Variants in KPNA3 observed in about 807,000 individuals in gnomAD.
KPNA3 encodes the protein importin subunit alpha-4.
Under a neutral mutation model 73.8 loss-of-function variants are expected in KPNA3, and 13 were observed. That is an observed-to-expected ratio of 0.18 (90% CI 0.11 to 0.28). KPNA3 has a LOEUF of 0.28. Among genes scored for constraint, KPNA3 ranks in the 10% least tolerant of loss-of-function variants. The probability of loss-of-function intolerance (pLI) is 1.00; values close to 1 mark genes in which losing one functional copy is unlikely to be tolerated. For synonymous variants in KPNA3, 186 were observed against 206.9 expected (o/e 0.90, Z 0.87); for missense variants, 360 against 618.1 (o/e 0.58, Z 4.43).
At chr13:49,781,807 T>C (rs765205494) in intron 1 of KPNA3, among the ~76,000 whole-genome samples, 1 of 152,212 alleles carries the variant, frequency 6.6e-6, no homozygotes, top group African/African-American at 2.4e-5. Flanking sequence ...ACCAAGACAG[T>C]TGATCACCTT....
chr13:49,733,297 T>TTTTG (rs1566343555), intron 2 of KPNA3, among the ~76,000 whole-genome samples: 10 of 144,392 alleles, frequency 6.9e-5, no homozygotes, highest in Admixed American at 6.2e-4. Context: ...TTTTTTTTTT[T>TTTTG]TTTTTTGGAG....
At chr13:49,730,445 G>C (rs534180652) in intron 6 of KPNA3, among the ~76,000 whole-genome samples, 1 of 135,400 alleles carries the variant, frequency 7.4e-6, no homozygotes, top group Non-Finnish European at 1.5e-5. Flanking sequence ...GCTTGAACCC[G>C]GGAGGCAGAC....
At chr13:49,781,324 C>T (rs779518446) in intron 1 of KPNA3, among the ~76,000 whole-genome samples, 1 of 152,174 alleles carries the variant, frequency 6.6e-6, no homozygotes, top group Non-Finnish European at 1.5e-5. Context: ...CTATTAAGGG[C>T]ATGGAGTTTT....
At chr13:49,749,211 A>G (rs545171579) in intron 1 of KPNA3, among the ~76,000 whole-genome samples, 64 of 152,212 alleles carry the variant, frequency 4.2e-4, no homozygotes, top group Admixed American at 1.3e-3. Context: ...CTGAAGAACC[A>G]CACTAAATTA....
intron 2 of KPNA3, among the ~76,000 whole-genome samples, chr13:49,738,747 T>C (rs1274984010): frequency 1.3e-5 from 2 of 152,230 alleles, no homozygotes; most frequent in African/African-American, 4.8e-5. Flanking sequence ...CCTTGGGATG[T>C]TCTACATAGA....
chr13:49,732,293 G>A (rs1954477284), intron 6 of KPNA3, 78 bp downstream of exon 6: 2 of 629,346 alleles, frequency 3.2e-6, no homozygotes, highest in African/African-American at 3.7e-5. Context: ...AAACCAAACT[G>A]AACTCACTGG....
chr13:49,766,992 T>C, intron 1 of KPNA3, among the ~76,000 whole-genome samples: 1 of 148,550 alleles, frequency 6.7e-6, no homozygotes, highest in Admixed American at 6.7e-5. Context: ...GGTAATCAAG[T>C]TAGGATTTTT....
In KPNA3 at chr13:49,719,899, G is replaced by A. The variant is rs548079785; in HGVS notation, c.727-80C>T. 1.6e-4 allele frequency: 143 copies of A among 900,180 alleles called. 1 individual carries two copies. In the African/African-American group the frequency reaches 1.9e-3, roughly 12 times the overall value. 55.8% of individuals were successfully genotyped at this position (900,180 alleles called of 1,614,324 possible). A position where few individuals can be genotyped will look rare whatever the true frequency, so the allele number is the denominator to read the frequency against. ...AATGAACAACTTTGACATAAAAAGCGGTAAATATGGTTTGTAGGGCGAGAA... is the reference window on the plus strand; with the variant it reads ...AATGAACAACTTTGACATAAAAAGCAGTAAATATGGTTTGTAGGGCGAGAA... On this transcript the variant is annotated intron_variant, in intron 9 of 16. Coordinates refer to ENST00000261667, the MANE Select transcript of KPNA3 (RefSeq NM_002267.4).
chr13:49,734,490 CAAAT>C (rs1277872825), intron 2 of KPNA3, among the ~76,000 whole-genome samples: 2 of 152,032 alleles, frequency 1.3e-5, no homozygotes, highest in East Asian at 3.8e-4. Context: ...AAAAGAAAAA[CAAAT>C]AAACTAAAAG....
At chr13:49,787,681 ATT>A (rs35108432) in intron 1 of KPNA3, among the ~76,000 whole-genome samples, 88 of 132,010 alleles carry the variant, frequency 6.7e-4, no homozygotes, top group East Asian at 4.2e-3. Context: ...TAATTTTTGT[ATT>A]TTTTTTTTTT....
intron 7 of KPNA3, among the ~76,000 whole-genome samples, chr13:49,725,018 G>A (rs1415561564): frequency 1.3e-5 from 2 of 152,130 alleles, no homozygotes; most frequent in Non-Finnish European, 2.9e-5. Context: ...AATAACGTAC[G>A]TGGTGATATC....
intron 1 of KPNA3, among the ~76,000 whole-genome samples, chr13:49,755,330 A>C (rs1954701328): frequency 6.6e-6 from 1 of 152,262 alleles, no homozygotes; most frequent in East Asian, 1.9e-4. Context: ...CAGAAAAATA[A>C]AAGCCTAGAG....
At chr13:49,753,535 A>G (rs1954684424) in intron 1 of KPNA3, among the ~76,000 whole-genome samples, 1 of 152,238 alleles carries the variant, frequency 6.6e-6, no homozygotes, top group East Asian at 1.9e-4. Flanking sequence ...GACCGTGAGC[A>G]ATGAATTTAT....
chr13:49,752,374 A>C (rs1954670206), intron 1 of KPNA3, among the ~76,000 whole-genome samples: 1 of 152,228 alleles, frequency 6.6e-6, no homozygotes, highest in African/African-American at 2.4e-5. Flanking sequence ...TGCTCTTAAA[A>C]GTTCAGGAAA....
rs1348929908 is a variant in KPNA3, at chr13:49,792,521, CCGGCGGCGGCTACTCCTGCGGCTG to C, written c.-39_-16del. ...TTCTCGGCCATGGCTGCGCGCGGCT[CCGGCGGCGGCTACTCCTGCGGCTG>C]CGGCGGCGGCGGCGGCGAATCTTGG... On this transcript the variant is annotated 5_prime_UTR_variant, in exon 1 of 17. Transcript: ENST00000261667. The C allele has an allele frequency of 2.9e-5, 44 of 1,534,370 alleles. No homozygotes were observed. Among genetic ancestry groups the C allele is most frequent in the Admixed American group, 7.3e-5 (4 of 54,500 alleles).
At chr13:49,728,314 A>G (rs1398975996) in intron 6 of KPNA3, among the ~76,000 whole-genome samples, 1 of 152,220 alleles carries the variant, frequency 6.6e-6, no homozygotes, top group Non-Finnish European at 1.5e-5. Flanking sequence ...TATCTGAGGA[A>G]AAGATTAATC....
chr13:49,776,598 T>C (rs1283352890), intron 1 of KPNA3, among the ~76,000 whole-genome samples: 2 of 152,160 alleles, frequency 1.3e-5, no homozygotes, highest in Non-Finnish European at 2.9e-5. Flanking sequence ...AAATAGTTAA[T>C]TTTTAACTAC....
chr13:49,724,306 CTTT>C (rs138511170), intron 7 of KPNA3, among the ~76,000 whole-genome samples: 1 of 143,300 alleles, frequency 7.0e-6, no homozygotes. Context: ...CACATGATAA[CTTT>C]TTTTTTTTTT....
chr13:49,770,329 C>CA (rs1359151882), intron 1 of KPNA3, among the ~76,000 whole-genome samples: 22 of 151,816 alleles, frequency 1.4e-4, no homozygotes, highest in African/African-American at 5.3e-4. Flanking sequence ...ATGTGCACCA[C>CA]CACACCAGGC....
Sources: allele counts gnomAD v4.1 joint callset (sites outside exome capture counted in the v4.1 genomes callset), GRCh38; gene constraint gnomAD v4.1.1; transcripts MANE v1.5; gene names NCBI Gene and HGNC (gene_info 2026-07-23, HGNC 2026-07-21).